ZNF709: variants seen among roughly 807,000 people sequenced by gnomAD.
ZNF709 encodes the protein zinc finger protein 709.
Under a neutral mutation model 10.6 loss-of-function variants are expected in ZNF709, and 15 were observed. That is an observed-to-expected ratio of 1.41 (90% CI 0.95 to 2.18). ZNF709 has a LOEUF of 2.18. ZNF709 is among the 30% of genes most tolerant of loss of function. The pLI is 0.00. For synonymous variants in ZNF709, 194 were observed against 238.8 expected (o/e 0.81, Z 1.73); for missense variants, 589 against 774.0 (o/e 0.76, Z 2.84).
chr19:12,480,816 C>T (rs1970721176), intron 1 of ZNF709, among the ~76,000 whole-genome samples: 1 of 152,104 alleles, frequency 6.6e-6, no homozygotes, highest in African/African-American at 2.4e-5. Flanking sequence ...TAATCTGTCG[C>T]CCAGGCTGAA....
rs150052698 is a variant in ZNF709 at position 12,470,294 on chromosome 19, C to T, written c.4-3444G>A. On this transcript the variant is annotated intron_variant, in intron 1 of 3. Transcript: ENST00000397732. ...ATGCTCCCAAACAGCAATCCTGATA[C>T]TAGAATTTACCTATTTGGTAAAGTA... Among the ~76,000 whole-genome samples the T allele has an allele frequency of 4.6e-5, 7 of 152,250 alleles. No homozygotes were observed. The East Asian group carries it at 1.2e-3, about 25-fold the overall frequency.
At chr19:12,469,824 C>A (rs947205338) in intron 1 of ZNF709, among the ~76,000 whole-genome samples, 1 of 152,046 alleles carries the variant, frequency 6.6e-6, no homozygotes, top group Non-Finnish European at 1.5e-5. Flanking sequence ...CTCAGGACTG[C>A]GACCACTGTT....
At position 12,464,749 on chromosome 19, in the gene ZNF709, G is replaced by A; in HGVS notation, c.1173C>T (p.Pro391=). The A allele has an allele frequency of 3.1e-6, 5 of 1,613,430 alleles. No homozygotes were observed. Among genetic ancestry groups the A allele is most frequent in the Middle Eastern group, 3.3e-4 (2 of 6,056 alleles). The change falls in exon 4 of 4, where the codon CCC becomes CCT. Residue 391 remains proline, a synonymous_variant. Coordinates refer to ENST00000397732, the MANE Select transcript of ZNF709 (RefSeq NM_152601.4). ...IHERTHTGEK[P]YECKQCGKAF... is the part of the protein sequence containing the mutation. The stretch of plus-strand genomic sequence containing the variant: ...CTTTACCACACTGTTTACATTCATA[G>A]GGTTTCTCTCCAGTGTGAGTTCGTT...
At chr19:12,469,821 C>T (rs1393311965) in intron 1 of ZNF709, among the ~76,000 whole-genome samples, 3 of 152,146 alleles carry the variant, frequency 2.0e-5, no homozygotes, top group Non-Finnish European at 4.4e-5. Context: ...AGCCTCAGGA[C>T]TGCGACCACT....
At position 12,465,689 on chromosome 19, in the gene ZNF709, T is replaced by C; in HGVS notation, c.233A>G (p.Gln78Arg). Residue 78 changes from glutamine to arginine, a missense_variant, in exon 4 of 4, where the codon CAG becomes CGG. Physicochemically the swap from Gln to Arg is conservative, Grantham distance 43 (BLOSUM62 1). Transcript: ENST00000397732. ...AGTCTGACTGATGGTTTCTCCAAAC[T>C]GACTACCTTCTTTCCTTTCACAGAG... Reference protein sequence around the residue: ...ERLCERKEGSQFGETISQTPN... With the variant: ...ERLCERKEGSRFGETISQTPN... 2 of 1,606,066 alleles carry C rather than the reference T, an allele frequency of 1.2e-6. No individual in the cohort carries two copies. Among genetic ancestry groups the C allele is most frequent in the Non-Finnish European group, 1.7e-6 (2 of 1,177,428 alleles).
In ZNF709 at chr19:12,481,233, T is replaced by C. The variant is rs1399414337; in HGVS notation, c.3+3422A>G. 4.1e-6 allele frequency: 4 copies of C among 974,766 alleles called. No individual in the cohort carries two copies. In the African/African-American group the frequency reaches 7.0e-5, roughly 17 times the overall value. The allele number at this position is 974,766 out of a possible 1,614,324, so 60.4% of individuals were successfully genotyped here. ...AATATTCTGTTTGGTTCCAGAGTTTTCTTTTTTTTTGTTTTGAGATGGAGT... is the reference window on the plus strand; with the variant it reads ...AATATTCTGTTTGGTTCCAGAGTTTCCTTTTTTTTTGTTTTGAGATGGAGT... On this transcript the variant is annotated intron_variant, in intron 1 of 3. Coordinates refer to ENST00000397732, the MANE Select transcript of ZNF709 (RefSeq NM_152601.4).
At chr19:12,481,107 A>G in intron 1 of ZNF709, 1 of 928,322 alleles carries the variant, frequency 1.1e-6, no homozygotes, top group Non-Finnish European at 1.3e-6. Flanking sequence ...CAAGTACTCT[A>G]TGACATGCAC....
intron 1 of ZNF709, among the ~76,000 whole-genome samples, chr19:12,481,516 A>C (rs1970726809): frequency 6.6e-6 from 1 of 152,180 alleles, no homozygotes; most frequent in Non-Finnish European, 1.5e-5. Context: ...CTGAAATTAC[A>C]GGCGTGAGCC....
Position 12,464,435 on chromosome 19 carries a change from C to T in ZNF709, c.1487G>A (p.Arg496Lys). 1 of 1,612,648 alleles carries T rather than the reference C, an allele frequency of 6.2e-7. No individual in the cohort carries two copies. The highest frequency in any genetic ancestry group is 2.2e-5 in the East Asian group (1 of 44,792). The stretch of plus-strand genomic sequence containing the variant: ...ATAGGGTTTCTCTCCAGTGTGAGTC[C>T]TTTCATGCATCCGAAAGGAACTAGA... ...SFSSSFRMHERTHTGEKPYEC... is the reference protein window; with the variant it reads ...SFSSSFRMHEKTHTGEKPYEC... The change falls in exon 4 of 4, where the codon AGG (arginine) becomes AAG (lysine). Residue 496 changes from arginine to lysine, a missense_variant. Arg to Lys is a conservative substitution (Grantham distance 26). Around this residue, in one of 2 missense-constraint regions of ZNF709, gnomAD observed 171 missense variants for 277.7 expected, o/e 0.62. Transcript: ENST00000397732.
In ZNF709 at chr19:12,461,384, G is replaced by C. The variant is rs973752039; in HGVS notation, c.*2612C>G. On this transcript the variant is annotated 3_prime_UTR_variant, in exon 4 of 4. Transcript: ENST00000397732. ...ATGTACTGAGAGATGACATTCAACTGTAATAGGAAACACCGACAATCTGCT... is the reference window on the plus strand; with the variant it reads ...ATGTACTGAGAGATGACATTCAACTCTAATAGGAAACACCGACAATCTGCT... The C allele has an allele frequency of 1.3e-5, 2 of 152,130 alleles. No individual in the cohort carries two copies. The highest frequency in any genetic ancestry group is 2.9e-5 in the Non-Finnish European group (2 of 68,038). The allele number at this position is 152,130 out of a possible 1,614,324, so 9.4% of individuals were successfully genotyped here.
Position 12,464,077 on chromosome 19 carries a change from G to A in ZNF709, c.1845C>T (p.Pro615=), listed in dbSNP as rs1039217114. The A allele has an allele frequency of 7.1e-6, 11 of 1,555,830 alleles. No individual in the cohort carries two copies. The highest frequency in any genetic ancestry group is 2.7e-5 in the African/African-American group (2 of 72,940). ...CTTTACCACATTGTTGACATGCATA[G>A]GGTTTCTCTCCAGTGTGAGTTCGTT... ...IHERTHTGEK[P]YACQQCGKAF... is the part of the protein sequence containing the mutation. The change falls in exon 4 of 4, where the codon CCC becomes CCT. Residue 615 remains proline (P), a synonymous_variant. Coordinates refer to ENST00000397732, the MANE Select transcript of ZNF709 (RefSeq NM_152601.4).
chr19:12,481,148 T>A, intron 1 of ZNF709: 1 of 983,730 alleles, frequency 1.0e-6, no homozygotes, highest in Middle Eastern at 5.2e-4. Flanking sequence ...ATGAAAAATG[T>A]ACCTGAGAAT....
chr19:12,465,387 A>C lies in ZNF709; in HGVS notation c.535T>G (p.Trp179Gly). 2 of 1,613,844 alleles carry C rather than the reference A, an allele frequency of 1.2e-6. No individual in the cohort carries two copies. Among genetic ancestry groups the C allele is most frequent in the Non-Finnish European group, 1.7e-6 (2 of 1,179,924 alleles). The change falls in exon 4 of 4, where the codon TGG becomes GGG. Residue 179 changes from tryptophan to glycine, a missense_variant. By Grantham distance (184) the Trp-to-Gly change is radical. Around this residue, in one of 2 missense-constraint regions of ZNF709, gnomAD observed 418 missense variants for 496.3 expected, o/e 0.84. Transcript: ENST00000397732. ...KCKQCGKAFS[W>G]PSSFQIHERT... ...TCATGTATTTGAAAGGAACTGGGCC[A>C]ACTGAAAGCCTTACCACACTGTTTA...
rs770506747 is a variant in ZNF709, at chr19:12,465,406, CTG to C, written c.514_515del (p.Gln172ValfsTer3). ...TGGGCCAACTGAAAGCCTTACCACACTGTTTACATTTATAGGGTTTCTCTCCA... is the reference window on the plus strand; with the variant it reads ...TGGGCCAACTGAAAGCCTTACCACACTTTACATTTATAGGGTTTCTCTCCA... ...HTGEKPYKCK[Q>X]CGKAFSWPSS... On this transcript the variant is annotated frameshift_variant, in exon 4 of 4. Coordinates refer to ENST00000397732, the MANE Select transcript of ZNF709 (RefSeq NM_152601.4). LOFTEE classifies it low-confidence loss of function (END_TRUNC). 5.0e-6 allele frequency: 8 copies of C among 1,611,870 alleles called. No individual in the cohort carries two copies. Among genetic ancestry groups the C allele is most frequent in the Non-Finnish European group, 2.5e-6 (3 of 1,179,390 alleles).
chr19:12,467,280 GGCGC>G (rs1568246213), intron 1 of ZNF709, among the ~76,000 whole-genome samples: 1 of 152,194 alleles, frequency 6.6e-6, no homozygotes, highest in East Asian at 1.9e-4. Context: ...TGCGATTGCA[GGCGC>G]GCGCGCCGCC....
At chr19:12,470,466 T>C (rs1452234399) in intron 1 of ZNF709, among the ~76,000 whole-genome samples, 1 of 152,158 alleles carries the variant, frequency 6.6e-6, no homozygotes, top group African/African-American at 2.4e-5. Flanking sequence ...CTGTTAACAT[T>C]AGTAAAATGT....
At chr19:12,482,759 A>G (rs1261455352) in intron 1 of ZNF709, among the ~76,000 whole-genome samples, 1 of 152,152 alleles carries the variant, frequency 6.6e-6, no homozygotes, top group Non-Finnish European at 1.5e-5. Context: ...CTCTCAGTAC[A>G]AAGGGCTCCT....
Position 12,465,725 on chromosome 19 carries a change from A to T in ZNF709, c.197T>A (p.Met66Lys). ...TTTCCTTTCACAGAGCCTCTCTACC[A>T]TATGACTTCTGTGAGAAAAAAACAA... ...KNQGRKLRSH[M>K]VERLCERKEG... The change falls in exon 4 of 4, where the codon ATG (methionine) becomes AAG (lysine). Residue 66 changes from methionine to lysine, a missense_variant. By Grantham distance (95) the Met-to-Lys change is moderately conservative (BLOSUM62 -1). Around this residue, in one of 2 missense-constraint regions of ZNF709, gnomAD observed 418 missense variants for 496.3 expected, o/e 0.84. Transcript: ENST00000397732. 1 of 1,533,752 alleles carries T rather than the reference A, an allele frequency of 6.5e-7. No homozygotes were observed. Among genetic ancestry groups the T allele is most frequent in the African/African-American group, 1.4e-5 (1 of 71,600 alleles).
rs369978327 is a variant in ZNF709, at chr19:12,467,121, ACTCTCC to A, written c.4-277_4-272del. 5.3e-5 allele frequency among the ~76,000 whole-genome samples: 8 copies of A among 151,454 alleles called. No individual in the cohort carries two copies. In the South Asian group the frequency reaches 8.4e-4, roughly 16 times the overall value. On this transcript the variant is annotated intron_variant, in intron 1 of 3. Coordinates refer to ENST00000397732, the MANE Select transcript of ZNF709 (RefSeq NM_152601.4). Reference sequence around the variant, plus strand: ...GCATCTTAGAGAAATGCTATACGATACTCTCCCTCTCCCTCTCCCCACGGTCTCCCT... The same window carrying A: ...GCATCTTAGAGAAATGCTATACGATACTCTCCCTCTCCCCACGGTCTCCCT...
Sources: gnomAD v4.1 joint callset for allele counts (sites outside exome capture counted in the v4.1 genomes callset) on GRCh38, gnomAD v4.1.1 for gene constraint, gnomAD v4.1.1 regional missense constraint, MANE v1.5 for transcripts, NCBI Gene and HGNC (gene_info 2026-07-23, HGNC 2026-07-21) for gene names.